Variants in EFHD2 observed in about 807,000 individuals in gnomAD.
EFHD2 encodes EF-hand domain-containing protein D2.
A neutral mutation model predicts 20.3 loss-of-function variants in EFHD2; 12 were observed. The observed-to-expected ratio is 0.59, with a 90% confidence interval of 0.38 to 0.96. The LOEUF (loss-of-function observed/expected upper bound fraction) is 0.96, where lower values mean the gene tolerates loss of function less well. Ranked by LOEUF, EFHD2 falls within the 40% of genes least tolerant of loss-of-function variation. The probability of loss-of-function intolerance (pLI) is 0.00; values close to 1 mark genes in which losing one functional copy is unlikely to be tolerated. For synonymous variants in EFHD2, 131 were observed against 143.9 expected (o/e 0.91, Z 0.64); for missense variants, 250 against 334.3 (o/e 0.75, Z 1.97).
chr1:15,410,400 C>A, intron 1 of EFHD2, 121 bp downstream of exon 1: 1 of 1,233,950 alleles, frequency 8.1e-7, no homozygotes, highest in Non-Finnish European at 1.1e-6. Flanking sequence ...CTTCCCCGAA[C>A]CCAGACGCAC....
At chr1:15,416,625 A>C (rs968828779) in intron 1 of EFHD2, among the ~76,000 whole-genome samples, 1 of 152,182 alleles carries the variant, frequency 6.6e-6, no homozygotes, top group African/African-American at 2.4e-5. Flanking sequence ...GACTTTCAGA[A>C]GGGTTATGTG....
rs112201303 is a variant in EFHD2 at position 15,418,512 on chromosome 1, A to T, written c.309-7359A>T. 4.8e-3 allele frequency among the ~76,000 whole-genome samples: 717 copies of T among 150,324 alleles called. 4 individuals carry two copies. Among genetic ancestry groups the T allele is most frequent in the Non-Finnish European group, 7.3e-3 (496 of 67,600 alleles). On this transcript the variant is annotated intron_variant, in intron 1 of 3. Transcript: ENST00000375980. Reference sequence around the variant, plus strand: ...AGTAGAGACGGGGTTTCACCGTGTTAGCCAGGATGGTCTCAATCTCCTGAC... The same window carrying T: ...AGTAGAGACGGGGTTTCACCGTGTTTGCCAGGATGGTCTCAATCTCCTGAC...
rs1170268127 is a variant in EFHD2, at chr1:15,409,923, C to T, written c.-49C>T. The T allele has an allele frequency of 2.5e-6, 3 of 1,203,594 alleles. No homozygotes were observed. Among genetic ancestry groups the T allele is most frequent in the Non-Finnish European group, 3.1e-6 (3 of 971,412 alleles). The allele number at this position is 1,203,594 out of a possible 1,614,324, so 74.6% of individuals were successfully genotyped here. On this transcript the variant is annotated 5_prime_UTR_variant, in exon 1 of 4. Transcript: ENST00000375980. ...AAGAGGAAGAGCGCGGCCGGCGGCG[C>T]TGCGCTGAGAGCAGGGGCCCGGCCA...
chr1:15,427,708 C>T (rs907650130), intron 3 of EFHD2, among the ~76,000 whole-genome samples: 1 of 152,216 alleles, frequency 6.6e-6, no homozygotes, highest in African/African-American at 2.4e-5. Context: ...GCATGACACC[C>T]TCCCCTTTCA....
chr1:15,412,741 T>C (rs919630409), intron 1 of EFHD2, among the ~76,000 whole-genome samples: 1 of 152,172 alleles, frequency 6.6e-6, no homozygotes, highest in Non-Finnish European at 1.5e-5. Context: ...TGCAGTGTGG[T>C]TGGAAGTGGC....
chr1:15,423,850 C>A (rs982502547), intron 1 of EFHD2, among the ~76,000 whole-genome samples: 19 of 152,118 alleles, frequency 1.2e-4, no homozygotes, highest in African/African-American at 4.3e-4. Context: ...TGTCACCCAG[C>A]CAGTTCAAGG....
At chr1:15,424,322 A>C (rs111404152) in intron 1 of EFHD2, among the ~76,000 whole-genome samples, 1 of 152,274 alleles carries the variant, frequency 6.6e-6, no homozygotes, top group African/African-American at 2.4e-5. Flanking sequence ...CTGGGCAAAC[A>C]GCGCCTCGCC....
At position 15,425,025 on chromosome 1, in the gene EFHD2, A is replaced by T. The variant is rs952218750; in HGVS notation, c.309-846A>T. 2.0e-5 allele frequency among the ~76,000 whole-genome samples: 3 copies of T among 152,160 alleles called. No homozygotes were observed. In the South Asian group the frequency reaches 6.2e-4, roughly 32 times the overall value. ...CTATAAACATCCCACAATGCACAGG[A>T]CAGCCCCTACGGCAAGGATTTGTTC... On this transcript the variant is annotated intron_variant, in intron 1 of 3. Coordinates refer to ENST00000375980, the MANE Select transcript of EFHD2 (RefSeq NM_024329.6).
rs571973971 is a variant in EFHD2, at chr1:15,418,955, A to C, written c.309-6916A>C. ...CATGCCGCTTCATAGGCTTCTTGTGAGAATCTGATGCAAAACACCTGGCAT... is the reference window on the plus strand; with the variant it reads ...CATGCCGCTTCATAGGCTTCTTGTGCGAATCTGATGCAAAACACCTGGCAT... On this transcript the variant is annotated intron_variant, in intron 1 of 3. Transcript: ENST00000375980. Among the ~76,000 whole-genome samples the C allele has an allele frequency of 1.4e-4, 21 of 152,354 alleles. 1 individual carries two copies. The South Asian group carries it at 4.3e-3, about 32-fold the overall frequency.
Position 15,430,069 on chromosome 1 carries a change from TGC to T in EFHD2, c.*1346_*1347del, listed in dbSNP as rs1707943107. On this transcript the variant is annotated 3_prime_UTR_variant, in exon 4 of 4. Transcript: ENST00000375980. ...AGGAGTCCTGGAAGCTACGCGGACT[TGC>T]AGAGGTTTTATTTTTTGGCCTTAGA... The T allele has an allele frequency of 6.5e-6, 1 of 152,682 alleles. No homozygotes were observed. The highest frequency in any genetic ancestry group is 3.2e-3 in the Middle Eastern group (1 of 316). The allele number at this position is 152,682 out of a possible 1,614,324, so 9.5% of individuals were successfully genotyped here. A position where few individuals can be genotyped will look rare whatever the true frequency, so the allele number is the denominator to read the frequency against.
At chr1:15,425,090 C>T (rs1488320520) in intron 1 of EFHD2, among the ~76,000 whole-genome samples, 1 of 152,128 alleles carries the variant, frequency 6.6e-6, no homozygotes, top group South Asian at 2.1e-4. Context: ...GAAACCATGC[C>T]CTTGCCTGCA....
At chr1:15,421,629 G>C (rs140128373) in intron 1 of EFHD2, among the ~76,000 whole-genome samples, 1 of 152,184 alleles carries the variant, frequency 6.6e-6, no homozygotes, top group East Asian at 1.9e-4. Flanking sequence ...CACAGCCCAC[G>C]TTTCCATCCA....
chr1:15,427,262 C>T lies in EFHD2; in HGVS notation c.569C>T (p.Ala190Val). The change falls in exon 3 of 4, where the codon GCC becomes GTC. Residue 190 changes from alanine (A) to valine (V), a missense_variant. Ala to Val is a moderately conservative substitution (Grantham distance 64). Around this residue, in one of 3 missense-constraint regions of EFHD2, gnomAD observed 100 missense variants for 116.2 expected, o/e 0.86. Transcript: ENST00000375980. Reference sequence around the variant, plus strand: ...GTCTCCAGTGAGGGTGTCAAGGGGGCCAAGAGCTTCTTTGAGGCCAAGGTG... The same window carrying T: ...GTCTCCAGTGAGGGTGTCAAGGGGGTCAAGAGCTTCTTTGAGGCCAAGGTG... ...IDVSSEGVKG[A>V]KSFFEAKVQA... is the part of the protein sequence containing the mutation. 6.2e-7 allele frequency: 1 copy of T among 1,607,090 alleles called. No individual in the cohort carries two copies. Among genetic ancestry groups the T allele is most frequent in the Non-Finnish European group, 8.5e-7 (1 of 1,177,404 alleles).
intron 1 of EFHD2, among the ~76,000 whole-genome samples, chr1:15,424,841 T>A (rs1184913589): frequency 2.0e-5 from 3 of 152,136 alleles, no homozygotes; most frequent in African/African-American, 7.2e-5. Flanking sequence ...GGGTGCTGAG[T>A]AAGAAGAGTC....
intron 1 of EFHD2, among the ~76,000 whole-genome samples, chr1:15,421,987 A>G (rs941498080): frequency 6.7e-6 from 1 of 150,364 alleles, no homozygotes; most frequent in Non-Finnish European, 1.5e-5. Context: ...CTTGACAGGG[A>G]TGGGCTCAGT....
At position 15,427,175 on chromosome 1, in the gene EFHD2, C is replaced by T. The variant is rs199890810; in HGVS notation, c.482C>T (p.Ala161Val). The T allele has an allele frequency of 3.7e-5, 60 of 1,610,864 alleles. 1 individual carries two copies. In the South Asian group the frequency reaches 5.2e-4, roughly 14 times the overall value. ...REFLLIFRKAAAGELQEDSGL... is the reference protein window; with the variant it reads ...REFLLIFRKAVAGELQEDSGL... Reference sequence around the variant, plus strand: ...TTCCTCCTGATCTTCCGCAAGGCGGCGGCCGGGGAGCTTCAGGAGGACAGC... The same window carrying T: ...TTCCTCCTGATCTTCCGCAAGGCGGTGGCCGGGGAGCTTCAGGAGGACAGC... The change falls in exon 3 of 4, where the codon GCG becomes GTG. Residue 161 changes from alanine (A) to valine (V), a missense_variant. Ala to Val is a moderately conservative substitution (Grantham distance 64, BLOSUM62 0). Around this residue, in one of 3 missense-constraint regions of EFHD2, gnomAD observed 100 missense variants for 116.2 expected, o/e 0.86. Transcript: ENST00000375980.
chr1:15,414,034 C>G (rs1570761603), intron 1 of EFHD2, among the ~76,000 whole-genome samples: 1 of 152,240 alleles, frequency 6.6e-6, no homozygotes, highest in East Asian at 1.9e-4. Context: ...GTGCCCACCC[C>G]TGGGCTGACA....
intron 1 of EFHD2, among the ~76,000 whole-genome samples, chr1:15,421,387 T>C (rs1707789370): frequency 6.6e-6 from 1 of 152,120 alleles, no homozygotes; most frequent in Non-Finnish European, 1.5e-5. Context: ...TCTGGGGGCT[T>C]CACCGCCCAC....
intron 2 of EFHD2, 138 bp from the exon 3 acceptor site, chr1:15,427,012 A>T: frequency 8.4e-7 from 1 of 1,185,866 alleles, no homozygotes; most frequent in Non-Finnish European, 1.2e-6. Context: ...GGGAGCAGCA[A>T]GGGGCGAGAC....
Sources: gnomAD v4.1 joint callset for allele counts (sites outside exome capture counted in the v4.1 genomes callset) on GRCh38, gnomAD v4.1.1 for gene constraint, gnomAD v4.1.1 regional missense constraint, MANE v1.5 for transcripts, NCBI Gene and HGNC (gene_info 2026-07-23, HGNC 2026-07-21) for gene names.